Variants in RDX observed in about 807,000 individuals in gnomAD.
RDX encodes the protein radixin.
In RDX, 32 loss-of-function variants were observed where a neutral mutation model predicts 83.7. The observed-to-expected ratio is 0.38, with a 90% CI of 0.29 to 0.51. RDX has a LOEUF of 0.51. Ranked by LOEUF, RDX falls within the 20% of genes least tolerant of loss-of-function variation. The probability of loss-of-function intolerance (pLI) is 0.87; values close to 1 mark genes in which losing one functional copy is unlikely to be tolerated. For missense variants in RDX, 600 were observed against 689.9 expected, an observed-to-expected ratio of 0.87 and a Z score of 1.46; for synonymous variants, 229 against 222.7, an observed-to-expected ratio of 1.03 and a Z score of -0.25.
intron 3 of RDX, among the ~76,000 whole-genome samples, chr11:110,265,144 G>C (rs557645436): frequency 6.1e-5 from 9 of 147,308 alleles, no homozygotes; most frequent in Admixed American, 4.7e-4. Context: ...CCCAGGCTGG[G>C]GTGCAATGGC....
intron 12 of RDX, 73 bp downstream of exon 12, chr11:110,236,017 CTTACACTTA>C: frequency 1.0e-6 from 1 of 967,638 alleles, no homozygotes; most frequent in Non-Finnish European, 1.7e-6. Context: ...ATGACAGTAT[CTTACACTTA>C]TCACTACAAA....
At position 110,272,624 on chromosome 11, in the gene RDX, A is replaced by G; in HGVS notation, c.13-5T>C. 2 of 1,590,762 alleles carry G rather than the reference A, an allele frequency of 1.3e-6. No homozygotes were observed. The highest frequency in any genetic ancestry group is 1.3e-5 in the African/African-American group (1 of 74,446). On this transcript the variant is annotated splice_region_variant and splice_polypyrimidine_tract_variant and intron_variant, in intron 2 of 13. Coordinates refer to ENST00000645495, the MANE Select transcript of RDX (RefSeq NM_002906.4). ...TGTAGTTACTCTTACGTTGATCTGT[A>G]ATAAAAATAAAAGGAATAATAAGTA... is the stretch of plus-strand genomic sequence containing the variant.
At chr11:110,279,022 T>C in intron 2 of RDX, among the ~76,000 whole-genome samples, 1 of 152,216 alleles carries the variant, frequency 6.6e-6, no homozygotes, top group Middle Eastern at 3.2e-3. Flanking sequence ...AATATCAGTA[T>C]GGGTAACACT....
chr11:110,216,532 ATTTT>A (rs1048294109), intron 14 of RDX, among the ~76,000 whole-genome samples: 1 of 131,860 alleles, frequency 7.6e-6, no homozygotes, highest in African/African-American at 2.9e-5. Flanking sequence ...TACCACACCA[ATTTT>A]TTTTCTTTTT....
Position 110,247,712 on chromosome 11 carries a change from C to A in RDX, c.1081G>T (p.Ala361Ser). The stretch of plus-strand genomic sequence containing the variant: ...AAAAAGAAACTTTTACCTTTCTGAG[C>A]TTTAATTGTCTGCTCTTCAATTTGT... ...LKQIEEQTIK[A>S]QKELEEQTRK... Residue 361 changes from alanine (A) to serine (S), a missense_variant, in exon 10 of 14, where the codon GCT becomes TCT. Physicochemically the swap from Ala to Ser is moderately conservative, Grantham distance 99. Transcript: ENST00000645495. 6.2e-7 allele frequency: 1 copy of A among 1,611,792 alleles called. No homozygotes were observed.
intron 2 of RDX, among the ~76,000 whole-genome samples, chr11:110,276,785 T>C (rs573629257): frequency 1.3e-5 from 2 of 152,322 alleles, no homozygotes; most frequent in Admixed American, 6.5e-5. Flanking sequence ...ACAGTTCCTA[T>C]TCCATAATTT....
At chr11:110,222,693 G>A (rs1864290600) in intron 14 of RDX, among the ~76,000 whole-genome samples, 1 of 152,084 alleles carries the variant, frequency 6.6e-6, no homozygotes, top group Admixed American at 6.5e-5. Context: ...CTACTTGGGA[G>A]GCTGAGGCAT....
At chr11:110,249,551 C>T (rs186657305) in intron 9 of RDX, among the ~76,000 whole-genome samples, 2 of 152,228 alleles carry the variant, frequency 1.3e-5, no homozygotes, top group Non-Finnish European at 2.9e-5. Flanking sequence ...CATAACGGGT[C>T]ACCACACCTT....
Position 110,236,187 on chromosome 11 carries a change from G to C in RDX, c.1256C>G (p.Ala419Gly), listed in dbSNP as rs1187916181. ...DQMKNQEQLA[A>G]ELAEFTAKIA... ...CTTGGCAGTGAATTCAGCAAGTTCT[G>C]CTGCCTAAAGTAAACAATATAATTC... The change falls in exon 12 of 14, where the codon GCA becomes GGA. Residue 419 changes from alanine to glycine, a missense_variant. Physicochemically the swap from Ala to Gly is moderately conservative, Grantham distance 60 (BLOSUM62 0). Coordinates refer to ENST00000645495, the MANE Select transcript of RDX (RefSeq NM_002906.4). 3 of 1,609,798 alleles carry C rather than the reference G, an allele frequency of 1.9e-6. No individual in the cohort carries two copies. In the South Asian group the frequency reaches 3.3e-5, roughly 18 times the overall value.
chr11:110,255,330 C>A lies in RDX; in HGVS notation c.754G>T (p.Asp252Tyr). 6.3e-7 allele frequency: 1 copy of A among 1,594,992 alleles called. No homozygotes were observed. The highest frequency in any genetic ancestry group is 8.6e-7 in the Non-Finnish European group (1 of 1,163,222). The stretch of plus-strand genomic sequence containing the variant: ...ATTGGCTTTATAACAAATTTTTTGT[C>A]ATTAAATGAAATATTTCTGATTTCA... ...WSEIRNISFN[D>Y]KKFVIKPIDK... Residue 252 changes from aspartate to tyrosine, a missense_variant, in exon 8 of 14, where the codon GAC becomes TAC. By Grantham distance (160) the Asp-to-Tyr change is radical. Coordinates refer to ENST00000645495, the MANE Select transcript of RDX (RefSeq NM_002906.4).
intron 12 of RDX, 121 bp downstream of exon 12, chr11:110,235,978 T>A (rs1417011851): frequency 1.3e-6 from 1 of 746,014 alleles, no homozygotes; most frequent in Non-Finnish European, 2.4e-6. Flanking sequence ...ACAATACACA[T>A]AACACGAGTA....
At chr11:110,278,222 A>G (rs1447134629) in intron 2 of RDX, among the ~76,000 whole-genome samples, 3 of 130,000 alleles carry the variant, frequency 2.3e-5, no homozygotes, top group Non-Finnish European at 3.3e-5. Context: ...CCAGGAGTGT[A>G]AGTTTTCTTT....
intron 15 of RDX, among the ~76,000 whole-genome samples, chr11:110,183,187 G>A (rs1421101084): frequency 6.6e-6 from 1 of 152,204 alleles, no homozygotes; most frequent in Non-Finnish European, 1.5e-5. Context: ...CAGCAGACCT[G>A]AGTGTACACA....
intron 10 of RDX, among the ~76,000 whole-genome samples, chr11:110,239,858 A>G (rs889765409): frequency 1.3e-5 from 2 of 151,916 alleles, no homozygotes; most frequent in Non-Finnish European, 2.9e-5. Flanking sequence ...AAAAAAAAAA[A>G]AGGCAGTAAC....
At chr11:110,255,255 A>C in intron 8 of RDX, 34 bp downstream of exon 8, 1 of 1,085,792 alleles carries the variant, frequency 9.2e-7, no homozygotes, top group Non-Finnish European at 1.4e-6. Context: ...GATATTAAAC[A>C]GTTAATACAC....
intron 1 of RDX, among the ~76,000 whole-genome samples, chr11:110,280,850 G>T (rs1860733020): frequency 6.6e-6 from 1 of 150,946 alleles, no homozygotes; most frequent in East Asian, 2.0e-4. Context: ...ACAAAAAAAT[G>T]TTATTGATTG....
intron 15 of RDX, among the ~76,000 whole-genome samples, chr11:110,197,461 G>A (rs1042315109): frequency 6.6e-6 from 1 of 152,194 alleles, no homozygotes; most frequent in African/African-American, 2.4e-5. Flanking sequence ...CACCAACTCT[G>A]TGGATCCCTT....
intron 3 of RDX, among the ~76,000 whole-genome samples, chr11:110,267,047 C>A (rs1376634326): frequency 6.6e-6 from 1 of 152,008 alleles, no homozygotes; most frequent in East Asian, 1.9e-4. Context: ...GGACCACAGG[C>A]ATGCACCACC....
At position 110,219,937 on chromosome 11, in the gene RDX, CAGA is replaced by C. The variant is rs1316416286; in HGVS notation, c.1748+11933_1748+11935del. On this transcript the variant is annotated intron_variant, in intron 14 of 15. Coordinates refer to the RDX transcript ENST00000528498. ...GGTCACTAAGAGATCCAAATGTAGACAGAAGGACTGAGACTTGGCACACTATAA... is the reference window on the plus strand; with the variant it reads ...GGTCACTAAGAGATCCAAATGTAGACAGGACTGAGACTTGGCACACTATAA... Among the ~76,000 whole-genome samples, 3 of 152,136 alleles carry C rather than the reference CAGA, an allele frequency of 2.0e-5. No homozygotes were observed. In the East Asian group the frequency reaches 5.8e-4, roughly 29 times the overall value.
Sources: allele counts gnomAD v4.1 joint callset (sites outside exome capture counted in the v4.1 genomes callset), GRCh38; gene constraint gnomAD v4.1.1; transcripts MANE v1.5; gene names NCBI Gene and HGNC (gene_info 2026-07-23, HGNC 2026-07-21).